The following MYO16 variants were observed in gnomAD, a reference collection of about 807,000 sequenced individuals.
MYO16 encodes the protein myosin XVI.
A neutral mutation model predicts 205.3 loss-of-function variants in MYO16; 94 were observed. The observed-to-expected ratio is 0.46, with a 90% confidence interval of 0.39 to 0.54. The LOEUF (loss-of-function observed/expected upper bound fraction) is 0.54, where lower values mean the gene tolerates loss of function less well. MYO16 is among the 20% of genes least tolerant of loss of function. MYO16 has a pLI of 0.00. For missense variants in MYO16, 2,315 were observed against 2,387.5 expected (o/e 0.97, Z 0.63); for synonymous variants, 988 against 954.0 (o/e 1.04, Z -0.66).
intron 27 of MYO16, chr13:109,065,713 G>A (rs1189004421): frequency 5.8e-6 from 2 of 345,714 alleles, no homozygotes; most frequent in East Asian, 8.3e-5. Context: ...TGGTCCTATG[G>A]CTCTCTCTCA....
intron 12 of MYO16, among the ~76,000 whole-genome samples, chr13:108,873,552 G>A (rs903884738): frequency 2.0e-5 from 3 of 152,344 alleles, no homozygotes; most frequent in South Asian, 2.1e-4. Flanking sequence ...GCCGAGATGC[G>A]GGTCACAGCG....
intron 17 of MYO16, 102 bp from the exon 18 acceptor site, chr13:108,961,437 G>C (rs1883576389): frequency 1.1e-6 from 1 of 894,262 alleles, no homozygotes; most frequent in South Asian, 1.5e-5. Flanking sequence ...CTCATTAATA[G>C]GGTCATCATT....
In MYO16 at chr13:108,848,769, G is replaced by A. The variant is rs555143389; in HGVS notation, c.1248+4276G>A. Among the ~76,000 whole-genome samples, 27 of 152,254 alleles carry A rather than the reference G, an allele frequency of 1.8e-4. No individual in the cohort carries two copies. In the East Asian group the frequency reaches 4.1e-3, roughly 23 times the overall value. Reference sequence around the variant, plus strand: ...GTTGGAGGCTGCGGTGAGCTAGGACGTCATCACTGCACTCCAGCATGTACT... The same window carrying A: ...GTTGGAGGCTGCGGTGAGCTAGGACATCATCACTGCACTCCAGCATGTACT... On this transcript the variant is annotated intron_variant, in intron 10 of 34. Coordinates refer to ENST00000457511, the MANE Select transcript of MYO16 (RefSeq NM_001198950.3).
intron 28 of MYO16, among the ~76,000 whole-genome samples, chr13:109,108,669 C>T (rs1889195091): frequency 6.6e-6 from 1 of 152,152 alleles, no homozygotes; most frequent in Admixed American, 6.5e-5. Context: ...AGGTTAGGAT[C>T]CAGGTGCAAA....
At chr13:108,873,976 T>C (rs995233279) in intron 12 of MYO16, among the ~76,000 whole-genome samples, 2 of 152,250 alleles carry the variant, frequency 1.3e-5, no homozygotes, top group Non-Finnish European at 2.9e-5. Context: ...AAATGCATCA[T>C]CAAGCCAACA....
At chr13:108,528,559 CTCCTCTCCTCTCCCCTCCCCTCCCCTT>C in the MYO16 span, among the ~76,000 whole-genome samples, 10 of 110,586 alleles carry the variant, frequency 9.0e-5, no homozygotes, top group South Asian at 3.3e-4. Context: ...CTCCTCTCCT[CTCCTCTCCTCTCCCCTCCCCTCCCCTT>C]TCCCCTCCTC....
intron 2 of MYO16, among the ~76,000 whole-genome samples, chr13:108,673,002 C>T (rs1882054196): frequency 6.6e-6 from 1 of 152,068 alleles, no homozygotes; most frequent in South Asian, 2.1e-4. Flanking sequence ...TTGACTTACT[C>T]CTTTCAATAA....
intron 21 of MYO16, among the ~76,000 whole-genome samples, chr13:108,992,725 A>G (rs1884877365): frequency 6.6e-6 from 1 of 152,186 alleles, no homozygotes; most frequent in Non-Finnish European, 1.5e-5. Flanking sequence ...ATGCTATTTC[A>G]ACTAGGTCAG....
chr13:108,884,084 C>T (rs921755596), intron 13 of MYO16, among the ~76,000 whole-genome samples: 9 of 152,170 alleles, frequency 5.9e-5, no homozygotes, highest in Admixed American at 2.0e-4. Context: ...TACTCACTCA[C>T]GGTAGCGCCT....
intron 23 of MYO16, among the ~76,000 whole-genome samples, chr13:109,038,138 T>A (rs1355785970): frequency 1.3e-5 from 2 of 152,222 alleles, no homozygotes; most frequent in African/African-American, 4.8e-5. Flanking sequence ...ATATTTTTTT[T>A]CCATTTCCCT....
At chr13:108,718,638 G>T (rs188485149) in intron 3 of MYO16, among the ~76,000 whole-genome samples, 6 of 152,032 alleles carry the variant, frequency 3.9e-5, no homozygotes, top group African/African-American at 1.4e-4. Context: ...GCTGCCTGTC[G>T]CTGGCAAACA....
intron 4 of MYO16, among the ~76,000 whole-genome samples, chr13:108,737,969 G>C (rs1471916131): frequency 6.6e-6 from 1 of 152,136 alleles, no homozygotes; most frequent in African/African-American, 2.4e-5. Context: ...ATTTCTGTGG[G>C]AGTGGTTGTG....
intron 14 of MYO16, among the ~76,000 whole-genome samples, chr13:108,894,367 C>T (rs1190111215): frequency 1.3e-5 from 2 of 152,128 alleles, no homozygotes; most frequent in Non-Finnish European, 2.9e-5. Flanking sequence ...GAAACTCTTC[C>T]TGTGGTTGAT....
intron 21 of MYO16, among the ~76,000 whole-genome samples, chr13:109,005,993 G>A (rs7990382): frequency 0.14 from 21,423 of 152,080 alleles, 1,591 homozygotes; most frequent in East Asian, 0.21. Flanking sequence ...GCTCCCTTTG[G>A]GAGGATATGG....
chr13:108,838,777 C>CACAT (rs1396413355), intron 9 of MYO16, among the ~76,000 whole-genome samples: 8 of 150,140 alleles, frequency 5.3e-5, no homozygotes, highest in Admixed American at 4.7e-4. Context: ...AATGCACACA[C>CACAT]ACACACACAC....
At chr13:109,042,669 G>A (rs574469150) in intron 23 of MYO16, among the ~76,000 whole-genome samples, 4 of 152,240 alleles carry the variant, frequency 2.6e-5, no homozygotes, top group East Asian at 3.9e-4. Context: ...CTCAAATCCT[G>A]TCAGTACTGG....
At chr13:108,717,075 CA>C (rs11345209) in intron 3 of MYO16, among the ~76,000 whole-genome samples, 58,095 of 147,164 alleles carry the variant, frequency 0.39, 11,847 homozygotes, top group African/African-American at 0.51. Context: ...TAACTCTTTA[CA>C]AAAAAAAAAA....
At chr13:108,737,223 A>G (rs1008070050) in intron 4 of MYO16, among the ~76,000 whole-genome samples, 42 of 152,182 alleles carry the variant, frequency 2.8e-4, no homozygotes, top group African/African-American at 9.4e-4. Flanking sequence ...GCCAGTTTTT[A>G]AAGGGAATGC....
intron 24 of MYO16, chr13:109,048,403 T>G: frequency 1.4e-6 from 1 of 705,074 alleles, no homozygotes; most frequent in Non-Finnish European, 2.6e-6. Flanking sequence ...ATACAGGAGG[T>G]GTCAGATTTT....
Sources: gnomAD v4.1 joint callset for allele counts (sites outside exome capture counted in the v4.1 genomes callset) on GRCh38, gnomAD v4.1.1 for gene constraint, MANE v1.5 for transcripts, NCBI Gene and HGNC (gene_info 2026-07-23, HGNC 2026-07-21) for gene names.